Variants in USP7 observed in about 807,000 individuals in gnomAD.
USP7 encodes the protein ubiquitin C-terminal hydrolase 7.
A neutral mutation model predicts 162.9 loss-of-function variants in USP7; 9 were observed. The ratio of observed to expected loss-of-function variants is 0.06; its 90% CI spans 0.03 to 0.10. The LOEUF (loss-of-function observed/expected upper bound fraction) is 0.10. Among genes scored for constraint, USP7 ranks in the 10% least tolerant of loss-of-function variants. USP7 has a pLI of 1.00. For missense variants in USP7, 715 were observed against 1,373.7 expected, an observed-to-expected ratio of 0.52 and a Z score of 7.58; for synonymous variants, 562 against 475.9, an observed-to-expected ratio of 1.18 and a Z score of -2.35.
At chr16:8,900,269 A>C (rs2061753279) in intron 21 of USP7, 7 of 382,258 alleles carry the variant, frequency 1.8e-5, no homozygotes, top group Non-Finnish European at 3.3e-5. Context: ...GAAGGAAGCA[A>C]TTGTTCCCAC....
chr16:8,926,038 C>T (rs1360178813), intron 2 of USP7, among the ~76,000 whole-genome samples: 1 of 151,964 alleles, frequency 6.6e-6, no homozygotes, highest in Non-Finnish European at 1.5e-5. Flanking sequence ...CCTGTAGTCC[C>T]AGCTACTAGG....
chr16:8,960,478 T>C (rs1363340681), intron 1 of USP7, among the ~76,000 whole-genome samples: 3 of 152,174 alleles, frequency 2.0e-5, no homozygotes, highest in African/African-American at 2.4e-5. Context: ...CACTGACCTA[T>C]TGATAGAGAC....
rs1157390365 is a variant in USP7, at chr16:8,920,509, CA to C, written c.523-63del. ...GAACACACATTTTATTCCCAAGAGACAAATTACATTAGTGCCCTGTACTTAA... is the reference window on the plus strand; with the variant it reads ...GAACACACATTTTATTCCCAAGAGACAATTACATTAGTGCCCTGTACTTAA... On this transcript the variant is annotated intron_variant, in intron 4 of 30. Transcript: ENST00000344836. 4.3e-6 allele frequency: 6 copies of C among 1,387,104 alleles called. No individual in the cohort carries two copies. The East Asian group carries it at 1.4e-4, about 32-fold the overall frequency. The allele number at this position is 1,387,104 out of a possible 1,614,324, so 85.9% of individuals were successfully genotyped here. A position where few individuals can be genotyped will look rare whatever the true frequency, so the allele number is the denominator to read the frequency against.
chr16:8,928,831 G>A (rs1182979477), intron 2 of USP7, among the ~76,000 whole-genome samples: 1 of 152,128 alleles, frequency 6.6e-6, no homozygotes. Flanking sequence ...TCAAAAGGAA[G>A]GGGACTTTAC....
At chr16:8,942,568 G>C (rs1389535465) in intron 1 of USP7, among the ~76,000 whole-genome samples, 3 of 152,180 alleles carry the variant, frequency 2.0e-5, no homozygotes, top group African/African-American at 7.2e-5. Flanking sequence ...TTATTTTTGA[G>C]ACAGGGTCTC....
chr16:8,896,975 C>T (rs1030404646), intron 26 of USP7, 24 bp downstream of exon 26: 2 of 1,587,704 alleles, frequency 1.3e-6, no homozygotes, highest in Non-Finnish European at 1.7e-6. Flanking sequence ...TGAACGTCCA[C>T]AATTGGGCTC....
At chr16:8,962,262 A>C (rs535545462) in intron 1 of USP7, among the ~76,000 whole-genome samples, 121 of 152,328 alleles carry the variant, frequency 7.9e-4, no homozygotes, top group African/African-American at 2.7e-3. Flanking sequence ...TGAACTCGTC[A>C]CGTAGGTAAG....
chr16:8,925,222 G>C (rs1421863636), intron 2 of USP7, among the ~76,000 whole-genome samples: 3 of 152,158 alleles, frequency 2.0e-5, no homozygotes, highest in Non-Finnish European at 4.4e-5. Context: ...GATTTGTCAA[G>C]ACACTATGCA....
chr16:8,915,587 T>C (rs570441787), intron 8 of USP7, 62 bp from the exon 9 acceptor site: 1 of 1,370,942 alleles, frequency 7.3e-7, no homozygotes, highest in East Asian at 2.4e-5. Flanking sequence ...ATACAGTAAT[T>C]TTATAATTGA....
intron 27 of USP7, 62 bp from the exon 28 acceptor site, chr16:8,895,212 A>G (rs1043548322): frequency 3.7e-6 from 6 of 1,611,058 alleles, no homozygotes; most frequent in Non-Finnish European, 5.1e-6. Flanking sequence ...AAGTGTCCAC[A>G]TCTCAATTCT....
intron 1 of USP7, among the ~76,000 whole-genome samples, chr16:8,932,792 A>G (rs1005734206): frequency 6.6e-6 from 1 of 152,196 alleles, no homozygotes; most frequent in African/African-American, 2.4e-5. Flanking sequence ...CTGGGGATGG[A>G]CAAAGCAGGA....
At position 8,961,508 on chromosome 16, in the gene USP7, G is replaced by GC. The variant is rs373277930; in HGVS notation, c.79+1698_79+1699insG. ...AATCCGTCTCAAAAAAAAAAAAGGGGGGGGGGGGCAAATACCTTGAAATTT... is the reference window on the plus strand; with the variant it reads ...AATCCGTCTCAAAAAAAAAAAAGGGGCGGGGGGGGCAAATACCTTGAAATTT... On this transcript the variant is annotated intron_variant, in intron 1 of 30. Transcript: ENST00000344836. Among the ~76,000 whole-genome samples the GC allele has an allele frequency of 2.2e-3, 299 of 134,034 alleles. 14 individuals carry two copies. The highest frequency in any genetic ancestry group is 0.018 in the Middle Eastern group (5 of 272). 87.9% of individuals were successfully genotyped at this position (134,034 alleles called of 152,430 possible).
At chr16:8,935,928 C>G (rs1216780295) in intron 1 of USP7, 1 of 152,154 alleles carries the variant, frequency 6.6e-6, no homozygotes, top group Non-Finnish European at 1.5e-5. Flanking sequence ...TTACGTAGAC[C>G]ACTTCAGCAC....
chr16:8,903,632 C>T (rs1401126264), intron 15 of USP7, among the ~76,000 whole-genome samples: 11 of 151,996 alleles, frequency 7.2e-5, no homozygotes, highest in African/African-American at 2.4e-4. Context: ...TTTGGGAGGC[C>T]GAGGCGGGCG....
chr16:8,963,193 C>A lies in USP7; in HGVS notation c.79+14G>T. On this transcript the variant is annotated intron_variant, in intron 1 of 30. Transcript: ENST00000344836. ...CGCCCCCCGGCCCCGCCGCGGCCGG[C>A]CCTCGGGCCTCACCTTCCATCTCCA... is the stretch of plus-strand genomic sequence containing the variant. The A allele has an allele frequency of 7.1e-7, 1 of 1,408,318 alleles. No homozygotes were observed. The highest frequency in any genetic ancestry group is 9.3e-7 in the Non-Finnish European group (1 of 1,071,588). The allele number at this position is 1,408,318 out of a possible 1,614,324, so 87.2% of individuals were successfully genotyped here.
chr16:8,900,704 T>TAA (rs2061760551), intron 20 of USP7, 74 bp from the exon 21 acceptor site: 2 of 1,128,818 alleles, frequency 1.8e-6, no homozygotes. Flanking sequence ...GTCTTCCATG[T>TAA]ACTTAAGTAT....
chr16:8,929,542 C>A, intron 2 of USP7: 1 of 455,996 alleles, frequency 2.2e-6, no homozygotes, highest in South Asian at 1.5e-5. Flanking sequence ...CCCGTTACTC[C>A]CCTGGGAAGG....
chr16:8,949,199 T>TA (rs1182879520), intron 1 of USP7, among the ~76,000 whole-genome samples: 1 of 152,252 alleles, frequency 6.6e-6, no homozygotes, highest in Non-Finnish European at 1.5e-5. Context: ...TCATGATTGT[T>TA]ACCGAATTTT....
chr16:8,896,201 G>A (rs1175028241), intron 26 of USP7, among the ~76,000 whole-genome samples: 1 of 150,146 alleles, frequency 6.7e-6, no homozygotes, highest in Admixed American at 6.7e-5. Context: ...CGGAGGCAAG[G>A]CACGGAGAGG....
Sources: allele counts gnomAD v4.1 joint callset (sites outside exome capture counted in the v4.1 genomes callset), GRCh38; gene constraint gnomAD v4.1.1; transcripts MANE v1.5; gene names NCBI Gene and HGNC (gene_info 2026-07-23, HGNC 2026-07-21).